RUNX1T1: variants seen among roughly 807,000 people sequenced by gnomAD.
The protein encoded by RUNX1T1 is protein CBFA2T1.
RUNX1T1 carries 4 observed loss-of-function variants against 62.8 expected under a neutral mutation model. The observed-to-expected ratio is 0.06, with a 90% CI of 0.03 to 0.15. RUNX1T1 has a LOEUF of 0.15. RUNX1T1 is among the 10% of genes least tolerant of loss of function. The probability of loss-of-function intolerance (pLI) is 1.00; values close to 1 mark genes in which losing one functional copy is unlikely to be tolerated. For synonymous variants in RUNX1T1, 291 were observed against 286.0 expected (o/e 1.02, Z -0.18); for missense variants, 508 against 754.3 (o/e 0.67, Z 3.82).
At chr8:91,981,122 G>A (rs893805576) in intron 8 of RUNX1T1, among the ~76,000 whole-genome samples, 1 of 151,926 alleles carries the variant, frequency 6.6e-6, no homozygotes, top group Non-Finnish European at 1.5e-5. Flanking sequence ...CATTTTACAC[G>A]AGGAAACTGA....
chr8:92,058,060 A>G (rs78996959), intron 1 of RUNX1T1, among the ~76,000 whole-genome samples: 5,316 of 151,970 alleles, frequency 0.035, 319 homozygotes, highest in African/African-American at 0.12. Flanking sequence ...TCCTTCCCCT[A>G]TGTCCCTGAC....
intron 9 of RUNX1T1, 83 bp from the exon 11 acceptor site, chr8:91,970,931 A>ATT: frequency 1.3e-5 from 15 of 1,153,494 alleles, no homozygotes; most frequent in Non-Finnish European, 1.6e-5. Flanking sequence ...TTTTCTTTTA[A>ATT]TTTTTTTTTT....
At chr8:91,989,947 G>A (rs143383201) in intron 6 of RUNX1T1, among the ~76,000 whole-genome samples, 3 of 152,172 alleles carry the variant, frequency 2.0e-5, no homozygotes, top group East Asian at 3.9e-4. Flanking sequence ...CTATATAAAC[G>A]TAGAAATTAC....
chr8:92,095,374 G>A (rs1837641147), intron 1 of RUNX1T1: 1 of 1,535,470 alleles, frequency 6.5e-7, no homozygotes, highest in East Asian at 2.4e-5. Context: ...CGGGAGAGCG[G>A]CCGCGGCCGA....
At chr8:92,008,283 G>A (rs936706859) in intron 4 of RUNX1T1, among the ~76,000 whole-genome samples, 2 of 151,872 alleles carry the variant, frequency 1.3e-5, no homozygotes, top group African/African-American at 4.8e-5. Flanking sequence ...GAGGAAGCGG[G>A]GGGGAAGTGA....
chr8:92,079,678 A>G (rs1003885621), intron 1 of RUNX1T1, among the ~76,000 whole-genome samples: 47 of 152,184 alleles, frequency 3.1e-4, no homozygotes, highest in African/African-American at 1.1e-3. Context: ...TCACACACAG[A>G]AACACACAGT....
chr8:91,959,882 G>A (rs1223479759), exon 11 of RUNX1T1: 1 of 315,860 alleles, frequency 3.2e-6, no homozygotes, highest in Non-Finnish European at 6.0e-6. Flanking sequence ...GCAATCTCTT[G>A]GTTTGCTGTT....
downstream of RUNX1T1, chr8:91,955,456 G>C (rs987819352): frequency 2.2e-5 from 5 of 226,776 alleles, no homozygotes; most frequent in African/African-American, 8.9e-5. Flanking sequence ...TGGGAGTGAG[G>C]GTGTTTCCAC....
At chr8:91,960,054 C>T in exon 11 of RUNX1T1, 6 of 617,628 alleles carry the variant, frequency 9.7e-6, no homozygotes, top group South Asian at 4.0e-5. Context: ...CATTACGACC[C>T]GTTACTGGCC....
At chr8:92,067,388 C>A (rs1220203296), upstream of RUNX1T1, among the ~76,000 whole-genome samples, 1 of 152,114 alleles carries the variant, frequency 6.6e-6, no homozygotes, top group Non-Finnish European at 1.5e-5. Context: ...CAACCCCTAG[C>A]CTTCACCTAT....
At chr8:92,075,913 T>A in intron 2 of RUNX1T1, 52 bp downstream of exon 2, 1 of 1,479,820 alleles carries the variant, frequency 6.8e-7, no homozygotes, top group Non-Finnish European at 9.2e-7. Context: ...ATAGATTGAT[T>A]TTTCTGGTAC....
chr8:92,022,679 C>T lies in RUNX1T1; in HGVS notation c.8-5316G>A, dbSNP rs1198372717. 1.3e-5 allele frequency among the ~76,000 whole-genome samples: 2 copies of T among 152,168 alleles called. 1 individual carries two copies. Among genetic ancestry groups the T allele is most frequent in the South Asian group, 4.1e-4 (2 of 4,824 alleles). ...CTGTCAGTACCTTGATTTTGCATTT[C>T]CCAGCCTCCAGAAGTATGAGAAATA... On this transcript the variant is annotated intron_variant, in intron 1 of 10. Transcript: ENST00000396218.
At chr8:91,995,484 C>A (rs547749688) in intron 5 of RUNX1T1, among the ~76,000 whole-genome samples, 1 of 152,236 alleles carries the variant, frequency 6.6e-6, no homozygotes, top group South Asian at 2.1e-4. Context: ...TACATTCTAA[C>A]AGTTGTGAAA....
chr8:92,082,566 C>T (rs1760584134), intron 1 of RUNX1T1, among the ~76,000 whole-genome samples: 1 of 152,176 alleles, frequency 6.6e-6, no homozygotes, highest in Admixed American at 6.5e-5. Flanking sequence ...ATTGTCCAGT[C>T]ACTTGCATTA....
intron 2 of RUNX1T1, among the ~76,000 whole-genome samples, chr8:92,072,906 C>A (rs1404459391): frequency 6.6e-6 from 1 of 152,164 alleles, no homozygotes; most frequent in Non-Finnish European, 1.5e-5. Flanking sequence ...AAAAATACCT[C>A]TTTTTCAAAA....
chr8:92,024,041 T>C (rs1442869298), intron 1 of RUNX1T1, among the ~76,000 whole-genome samples: 1 of 152,136 alleles, frequency 6.6e-6, no homozygotes, highest in South Asian at 2.1e-4. Context: ...ATCATGGTAG[T>C]AGTAAATAAA....
At chr8:92,072,169 CTTCAAA>C (rs1317279235) in intron 2 of RUNX1T1, among the ~76,000 whole-genome samples, 11 of 152,168 alleles carry the variant, frequency 7.2e-5, no homozygotes, top group Admixed American at 6.5e-4. Context: ...AAGTGTAAAT[CTTCAAA>C]TTCAAAGAAG....
intron 6 of RUNX1T1, 121 bp from the exon 8 acceptor site, chr8:91,987,093 G>A: frequency 1.4e-6 from 1 of 705,092 alleles, no homozygotes; most frequent in Non-Finnish European, 2.6e-6. Flanking sequence ...GATTTTGGAT[G>A]GAGACATGAG....
rs1009441516 is a variant in RUNX1T1, at chr8:92,099,617, T to C, written c.-123A>G. The C allele has an allele frequency of 1.4e-5, 14 of 985,366 alleles. No individual in the cohort carries two copies. The African/African-American group carries it at 2.4e-4, about 17-fold the overall frequency. 61.0% of individuals were successfully genotyped at this position (985,366 alleles called of 1,614,324 possible). On this transcript the variant is annotated 5_prime_UTR_variant, in exon 1 of 12. Coordinates refer to the RUNX1T1 transcript ENST00000265814. ...CGGCAAAATGCAACTGACTCCGTTT[T>C]TTTCACATGCAAATCCTGCAGGTGC...
Sources: allele counts gnomAD v4.1 joint callset (sites outside exome capture counted in the v4.1 genomes callset), GRCh38; gene constraint gnomAD v4.1.1; transcripts MANE v1.5; gene names NCBI Gene and HGNC (gene_info 2026-07-23, HGNC 2026-07-21).